Variants in LRFN2 observed in about 807,000 individuals in gnomAD.
The protein encoded by LRFN2 is leucine rich repeat and fibronectin type III domain containing 2.
LRFN2 carries 18 observed loss-of-function variants against 37.3 expected under a neutral mutation model. That is an observed-to-expected ratio of 0.48 (90% confidence interval 0.33 to 0.72). The LOEUF is 0.72. Ranked by LOEUF, LRFN2 falls within the 30% of genes least tolerant of loss-of-function variation. The pLI is 0.02. For missense variants in LRFN2, 1,006 were observed against 1,060.7 expected (o/e 0.95, Z 0.72); for synonymous variants, 556 against 466.6 (o/e 1.19, Z -2.47).
At chr6:40,425,994 A>G (rs1181141334) in intron 2 of LRFN2, among the ~76,000 whole-genome samples, 1 of 152,118 alleles carries the variant, frequency 6.6e-6, no homozygotes, top group Non-Finnish European at 1.5e-5. Context: ...TGAAACCTCG[A>G]GGTGGGTCAC....
At chr6:40,486,550 G>T (rs1764963314) in intron 1 of LRFN2, among the ~76,000 whole-genome samples, 1 of 152,154 alleles carries the variant, frequency 6.6e-6, no homozygotes, top group Non-Finnish European at 1.5e-5. Context: ...TAAGGAATGG[G>T]TAGAGGGTCA....
chr6:40,527,386 A>T (rs968003058), intron 1 of LRFN2, among the ~76,000 whole-genome samples: 1 of 152,176 alleles, frequency 6.6e-6, no homozygotes, highest in African/African-American at 2.4e-5. Flanking sequence ...TATTCAATTG[A>T]CCCTGTAGCC....
chr6:40,400,188 G>A (rs1762708997), intron 2 of LRFN2, among the ~76,000 whole-genome samples: 1 of 151,982 alleles, frequency 6.6e-6, no homozygotes, highest in South Asian at 2.1e-4. Flanking sequence ...CTTGAGGACT[G>A]GAACTGTGTC....
rs574012425 is a variant in LRFN2 at position 40,448,394 on chromosome 6, G to A, written c.-18-15263C>T. Among the ~76,000 whole-genome samples, 7 of 152,160 alleles carry A rather than the reference G, an allele frequency of 4.6e-5. No individual in the cohort carries two copies. In the South Asian group the frequency reaches 1.0e-3, roughly 23 times the overall value. On this transcript the variant is annotated intron_variant, in intron 1 of 2. Coordinates refer to ENST00000338305, the MANE Select transcript of LRFN2 (RefSeq NM_020737.3). ...ATTTTGAGAATCAGGAGATCAGGGC[G>A]AGCCTGAGGCCAAAAGAGACTCACT...
At chr6:40,543,516 C>A (rs1407246541) in intron 1 of LRFN2, among the ~76,000 whole-genome samples, 3 of 152,202 alleles carry the variant, frequency 2.0e-5, no homozygotes, top group Non-Finnish European at 2.9e-5. Context: ...CCTCCCTCCA[C>A]TCACCTAGCG....
intron 2 of LRFN2, among the ~76,000 whole-genome samples, chr6:40,406,057 G>A (rs561907495): frequency 1.6e-3 from 240 of 152,244 alleles, no homozygotes; most frequent in African/African-American, 5.4e-3. Flanking sequence ...TTCATGGAGG[G>A]GATAAAGCCA....
At chr6:40,573,872 A>T (rs1368628474) in intron 1 of LRFN2, among the ~76,000 whole-genome samples, 1 of 152,188 alleles carries the variant, frequency 6.6e-6, no homozygotes, top group East Asian at 1.9e-4. Context: ...AAAGGAGGAG[A>T]ATCACTTGAA....
intron 1 of LRFN2, among the ~76,000 whole-genome samples, chr6:40,576,494 C>A (rs1767280127): frequency 6.6e-6 from 1 of 152,254 alleles, no homozygotes; most frequent in African/African-American, 2.4e-5. Flanking sequence ...GGCAGCCCAG[C>A]ATGAGATAAC....
Position 40,398,444 on chromosome 6 carries a change from C to T in LRFN2, c.1401-5532G>A, listed in dbSNP as rs76720800. ...GCTGCTCTGCATGGCTGAACCAAAC[C>T]GAAAGCCAGAGTTCACAGGCACATG... On this transcript the variant is annotated intron_variant, in intron 2 of 2. Transcript: ENST00000338305. 2.9e-3 allele frequency among the ~76,000 whole-genome samples: 441 copies of T among 151,894 alleles called. 6 individuals are homozygous for T. The highest frequency in any genetic ancestry group is 0.019 in the East Asian group (98 of 5,182).
In LRFN2 at chr6:40,402,665, G is replaced by C. The variant is rs140910024; in HGVS notation, c.1401-9753C>G. ...GACTTGACTAAGCTCTCACAGAGAG[G>C]AGGATTGTGCTCAGCCAAGATTGAA... On this transcript the variant is annotated intron_variant, in intron 2 of 2. Transcript: ENST00000338305. Among the ~76,000 whole-genome samples the C allele has an allele frequency of 2.4e-4, 36 of 152,272 alleles. No individual in the cohort carries two copies. In the East Asian group the frequency reaches 6.9e-3, roughly 29 times the overall value.
At chr6:40,542,003 G>A (rs1355796044) in intron 1 of LRFN2, among the ~76,000 whole-genome samples, 1 of 152,268 alleles carries the variant, frequency 6.6e-6, no homozygotes, top group Non-Finnish European at 1.5e-5. Flanking sequence ...CACCAGCTCA[G>A]TATGTGTCTC....
At chr6:40,440,570 G>A (rs1304699851) in intron 1 of LRFN2, among the ~76,000 whole-genome samples, 1 of 152,198 alleles carries the variant, frequency 6.6e-6, no homozygotes, top group African/African-American at 2.4e-5. Context: ...ACACCCTGTG[G>A]CCTCTGACTC....
intron 1 of LRFN2, among the ~76,000 whole-genome samples, chr6:40,569,931 C>A (rs1378124922): frequency 6.6e-6 from 1 of 152,086 alleles, no homozygotes; most frequent in African/African-American, 2.4e-5. Flanking sequence ...CTTGCCCCTG[C>A]CTCACCCTCT....
intron 2 of LRFN2, among the ~76,000 whole-genome samples, chr6:40,420,056 G>C (rs536664324): frequency 6.6e-6 from 1 of 152,074 alleles, no homozygotes; most frequent in Non-Finnish European, 1.5e-5. Context: ...GAGTTCATTC[G>C]CATATCTGGA....
chr6:40,562,835 TCACACACACA>T (rs773357501), intron 1 of LRFN2, among the ~76,000 whole-genome samples: 8 of 125,630 alleles, frequency 6.4e-5, no homozygotes, highest in Non-Finnish European at 1.2e-4. Context: ...GTGCACTCAC[TCACACACACA>T]CACACACACA....
At chr6:40,549,965 C>T (rs666200) in intron 1 of LRFN2, among the ~76,000 whole-genome samples, 14,328 of 152,036 alleles carry the variant, frequency 0.094, 834 homozygotes, top group Non-Finnish European at 0.12. Flanking sequence ...ACCCAGGAGG[C>T]GGAGGTTGCA....
At position 40,572,341 on chromosome 6, in the gene LRFN2, T is replaced by C. The variant is rs41349346; in HGVS notation, c.-19+14600A>G. Among the ~76,000 whole-genome samples, 1,055 of 152,306 alleles carry C rather than the reference T, an allele frequency of 6.9e-3. 30 individuals carry two copies. In the East Asian group the frequency reaches 0.1, roughly 15 times the overall value. ...TCAGAGAGAACTTTCTAGATCAGCA[T>C]CAAGGGACCCGGGCCATTATCCAGT... On this transcript the variant is annotated intron_variant, in intron 1 of 2. Transcript: ENST00000338305.
intron 1 of LRFN2, among the ~76,000 whole-genome samples, chr6:40,561,582 T>G (rs1386184575): frequency 1.3e-5 from 2 of 152,162 alleles, no homozygotes; most frequent in African/African-American, 2.4e-5. Flanking sequence ...CATGGGGTAC[T>G]AGGGAGCAAA....
At chr6:40,487,050 G>T (rs1388446737) in intron 1 of LRFN2, among the ~76,000 whole-genome samples, 1 of 152,080 alleles carries the variant, frequency 6.6e-6, no homozygotes, top group East Asian at 1.9e-4. Flanking sequence ...GATGGCGTTG[G>T]GATCCTGATT....
Sources: allele counts gnomAD v4.1 joint callset (sites outside exome capture counted in the v4.1 genomes callset), GRCh38; gene constraint gnomAD v4.1.1; transcripts MANE v1.5; gene names NCBI Gene and HGNC (gene_info 2026-07-23, HGNC 2026-07-21).